The following FOXR1 variants were observed in gnomAD, a reference collection of about 807,000 sequenced individuals.
The protein encoded by FOXR1 is forkhead box R1.
In FOXR1, 25 loss-of-function variants were observed where a neutral mutation model predicts 34.5. The ratio of observed to expected loss-of-function variants is 0.72; its 90% CI spans 0.53 to 1.01. FOXR1 has a LOEUF of 1.01. Among genes scored for constraint, FOXR1 ranks in the 50% least tolerant of loss-of-function variants. FOXR1 has a pLI of 0.00. For synonymous variants in FOXR1, 153 were observed against 141.6 expected (o/e 1.08, Z -0.57); for missense variants, 373 against 376.2 (o/e 0.99, Z 0.07).
In FOXR1 at chr11:118,979,166, C is replaced by G. The variant is rs1451849512; in HGVS notation, c.346C>G (p.Pro116Ala). 1 of 1,546,490 alleles carries G rather than the reference C, an allele frequency of 6.5e-7. No homozygotes were observed. ...CCAGTCCTCCAGCAAGCGGTCTCCC[C>G]CTCGGAAGCGGTTTGCCTTTTCCCC... ...LSQSSSKRSP[P>A]RKRFAFSPST... The change falls in exon 3 of 6, where the codon CCT (proline) becomes GCT (alanine). Residue 116 changes from proline (P) to alanine (A), a missense_variant. By Grantham distance (27) the Pro-to-Ala change is conservative. Coordinates refer to ENST00000317011, the MANE Select transcript of FOXR1 (RefSeq NM_181721.3).
intron 3 of FOXR1, 95 bp from the exon 4 acceptor site, chr11:118,979,347 C>G: frequency 6.7e-7 from 1 of 1,489,242 alleles, no homozygotes; most frequent in South Asian, 1.4e-5. Context: ...GGGAGAAGCC[C>G]AAATGGTGGC....
Position 118,979,088 on chromosome 11 carries a change from C to G in FOXR1, c.268C>G (p.Gln90Glu), listed in dbSNP as rs149060377. ...TSTLPSSQPP[Q>E]KEEDASCSEA... ...CACACTCCCCTCCTCTCAGCCACCC[C>G]AGAAGGAGGAAGATGCCAGCTGCTC... Residue 90 changes from glutamine (Q) to glutamate (E), a missense_variant, in exon 3 of 6, where the codon CAG becomes GAG. Physicochemically the swap from Gln to Glu is conservative, Grantham distance 29 (BLOSUM62 2). Transcript: ENST00000317011. 184 of 1,607,768 alleles carry G rather than the reference C, an allele frequency of 1.1e-4. 2 individuals carry two copies. The East Asian group carries it at 4.1e-3, about 36-fold the overall frequency.
Position 118,980,513 on chromosome 11 carries a change from C to A in FOXR1, c.635C>A (p.Thr212Lys). 1 of 1,613,942 alleles carries A rather than the reference C, an allele frequency of 6.2e-7. No homozygotes were observed. Among genetic ancestry groups the A allele is most frequent in the Admixed American group, 1.7e-5 (1 of 59,884 alleles). ...AGAAAGCACTTCCCCTTTTTCCGGA[C>A]GGCCCCGGAAGGCTGGAAGAATACT... ...FTRKHFPFFR[T>K]APEGWKNTVR... is the part of the protein sequence containing the mutation. The change falls in exon 5 of 6, where the codon ACG (threonine) becomes AAG (lysine). Residue 212 changes from threonine (T) to lysine (K), a missense_variant. Physicochemically the swap from Thr to Lys is moderately conservative, Grantham distance 78. Transcript: ENST00000317011.
At chr11:118,975,511 TTGAGC>T (rs1941769331) in intron 1 of FOXR1, among the ~76,000 whole-genome samples, 1 of 151,502 alleles carries the variant, frequency 6.6e-6, no homozygotes, top group Admixed American at 6.6e-5. Context: ...TTGAGCAGCC[TTGAGC>T]AGCCTTGAGC....
At chr11:118,973,498 C>T (rs1470824398) in intron 1 of FOXR1, among the ~76,000 whole-genome samples, 1 of 151,996 alleles carries the variant, frequency 6.6e-6, no homozygotes, top group East Asian at 1.9e-4. Flanking sequence ...CCCCCGGGTT[C>T]AAGTGATTCT....
At chr11:118,973,452 C>T (rs959120528) in intron 1 of FOXR1, among the ~76,000 whole-genome samples, 2 of 152,084 alleles carry the variant, frequency 1.3e-5, no homozygotes, top group African/African-American at 4.8e-5. Flanking sequence ...GAGTCTGGCT[C>T]TGTTGCCCAC....
intron 1 of FOXR1, among the ~76,000 whole-genome samples, chr11:118,976,995 TTGTC>T (rs1053169215): frequency 3.4e-5 from 5 of 147,494 alleles, no homozygotes; most frequent in South Asian, 2.1e-4. Context: ...TTTTGTTTGT[TTGTC>T]TATTTGTTTT....
At chr11:118,979,793 T>A (rs1293548329) in intron 4 of FOXR1, 125 bp downstream of exon 4, 4 of 811,604 alleles carry the variant, frequency 4.9e-6, no homozygotes, top group Non-Finnish European at 7.6e-6. Flanking sequence ...AGAGGACAAG[T>A]ATGTTCCCAG....
At position 118,976,255 on chromosome 11, in the gene FOXR1, G is replaced by T. The variant is rs570509795; in HGVS notation, c.62-2527G>T. 9.8e-5 allele frequency among the ~76,000 whole-genome samples: 15 copies of T among 152,314 alleles called. 1 individual carries two copies. In the South Asian group the frequency reaches 2.7e-3, roughly 27 times the overall value. Reference sequence around the variant, plus strand: ...TTGTTGCCCAAGCTGGAGTGCAATAGCGTAAGCTTGGCTCACTGCAACCTC... The same window carrying T: ...TTGTTGCCCAAGCTGGAGTGCAATATCGTAAGCTTGGCTCACTGCAACCTC... On this transcript the variant is annotated intron_variant, in intron 1 of 5. Coordinates refer to ENST00000317011, the MANE Select transcript of FOXR1 (RefSeq NM_181721.3).
At chr11:118,972,031 G>A (rs1325110680) in intron 1 of FOXR1, 39 bp downstream of exon 1, 3 of 1,387,224 alleles carry the variant, frequency 2.2e-6, no homozygotes, top group Non-Finnish European at 1.9e-6. Context: ...GCTGGGCGTG[G>A]CGGAGGGTGG....
chr11:118,980,629 TG>T lies in FOXR1; in HGVS notation c.753del (p.Trp251Ter). The T allele has an allele frequency of 6.2e-7, 1 of 1,614,212 alleles. No individual in the cohort carries two copies. Among genetic ancestry groups the T allele is most frequent in the Non-Finnish European group, 8.5e-7 (1 of 1,180,040 alleles). On this transcript the variant is annotated frameshift_variant, in exon 5 of 6. Transcript: ENST00000317011. LOFTEE classifies it high-confidence loss of function. ...CAGCACACGGCCTCGATCTTGCCTC[TG>T]GAAGTTGACCGAGGAGGGACACCGC... ...GASTRPRSCLWKLTEEGHRRF... is the reference protein window; with the variant it reads ...GASTRPRSCLXKLTEEGHRRF...
In FOXR1 at chr11:118,980,693, G is replaced by T. The variant is rs781912369; in HGVS notation, c.815G>T (p.Arg272Leu). 8 of 1,613,798 alleles carry T rather than the reference G, an allele frequency of 5.0e-6. No individual in the cohort carries two copies. In the East Asian group the frequency reaches 1.6e-4, roughly 31 times the overall value. The change falls in exon 5 of 6, where the codon CGG (arginine) becomes CTG (leucine). Residue 272 changes from arginine (R) to leucine (L), a missense_variant. Coordinates refer to ENST00000317011, the MANE Select transcript of FOXR1 (RefSeq NM_181721.3). ...AEEARALAST[R>L]LESIQQCMSQ... Reference sequence around the variant, plus strand: ...GAGGCCCGCGCCTTGGCTTCCACTCGGCTAGAAAGTATCCAACAGTGCATG... The same window carrying T: ...GAGGCCCGCGCCTTGGCTTCCACTCTGCTAGAAAGTATCCAACAGTGCATG...
intron 4 of FOXR1, 57 bp downstream of exon 4, chr11:118,979,725 T>C: frequency 2.7e-6 from 4 of 1,471,244 alleles, no homozygotes; most frequent in Non-Finnish European, 3.7e-6. Flanking sequence ...CCCGGGCTGA[T>C]GCCTTCCAAT....
At chr11:118,977,729 T>C (rs1468839777) in intron 1 of FOXR1, among the ~76,000 whole-genome samples, 1 of 152,100 alleles carries the variant, frequency 6.6e-6, no homozygotes. Context: ...ATAGGGACAG[T>C]GAGGGGGCAA....
chr11:118,976,048 C>A (rs1225149910), intron 1 of FOXR1, among the ~76,000 whole-genome samples: 1 of 152,092 alleles, frequency 6.6e-6, no homozygotes, highest in African/African-American at 2.4e-5. Context: ...AGGGAGTTAG[C>A]CAGAAAGACA....
chr11:118,978,645 G>A (rs1019285215), intron 1 of FOXR1, 137 bp from the exon 2 acceptor site: 35 of 839,760 alleles, frequency 4.2e-5, no homozygotes, highest in Non-Finnish European at 5.7e-5. Flanking sequence ...GGGAAAACCC[G>A]TAGAAGTAGA....
intron 1 of FOXR1, 77 bp from the exon 2 acceptor site, chr11:118,978,705 C>A: frequency 4.7e-6 from 7 of 1,493,102 alleles, no homozygotes; most frequent in South Asian, 3.4e-5. Context: ...CCCAGAGAAG[C>A]CTTAAGGCCT....
chr11:118,978,761 C>T (rs782567366), intron 1 of FOXR1, 21 bp from the exon 2 acceptor site: 17 of 1,613,544 alleles, frequency 1.1e-5, no homozygotes, highest in African/African-American at 1.3e-5. Flanking sequence ...TTTTGACTCT[C>T]TCTGTCTTTC....
At chr11:118,976,182 C>G (rs1472594236) in intron 1 of FOXR1, among the ~76,000 whole-genome samples, 1 of 150,874 alleles carries the variant, frequency 6.6e-6, no homozygotes, top group Non-Finnish European at 1.5e-5. Context: ...GAGAAGAGTT[C>G]AATAAATAGC....
Sources: allele counts gnomAD v4.1 joint callset (sites outside exome capture counted in the v4.1 genomes callset), GRCh38; gene constraint gnomAD v4.1.1; transcripts MANE v1.5; gene names NCBI Gene and HGNC (gene_info 2026-07-23, HGNC 2026-07-21).